NCKAP1: variants seen among roughly 807,000 people sequenced by gnomAD.
The protein encoded by NCKAP1 is nck-associated protein 1.
Under a neutral mutation model 151.2 loss-of-function variants are expected in NCKAP1, and 21 were observed. The ratio of observed to expected loss-of-function variants is 0.14; its 90% confidence interval spans 0.10 to 0.20. The LOEUF (loss-of-function observed/expected upper bound fraction) is 0.20. NCKAP1 is among the 10% of genes least tolerant of loss of function. The pLI, the probability that NCKAP1 is intolerant of heterozygous loss-of-function variation, is 1.00. For missense variants in NCKAP1, 933 were observed against 1,352.1 expected, an observed-to-expected ratio of 0.69 and a Z score of 4.86; for synonymous variants, 484 against 451.8, an observed-to-expected ratio of 1.07 and a Z score of -0.90.
At chr2:182,930,617 G>A in intron 27 of NCKAP1, 78 bp downstream of exon 27, 1 of 1,096,464 alleles carries the variant, frequency 9.1e-7, no homozygotes, top group African/African-American at 1.6e-5. Context: ...TTGAATATAT[G>A]GTTAAATATC....
Position 182,983,304 on chromosome 2 carries a change from A to G in NCKAP1, c.1083T>C (p.Pro361=). ...GAATTACCTTGGGACCTAGCAATCC[A>G]GGTTGATCAGAGAGGACAGTAGCCA... is the stretch of plus-strand genomic sequence containing the variant. ...KELATVLSDQ[P]GLLGPKALFV... Residue 361 remains proline, a synonymous_variant, in exon 11 of 31, where the codon CCT becomes CCC. Coordinates refer to ENST00000361354, the MANE Select transcript of NCKAP1 (RefSeq NM_013436.5). The G allele has an allele frequency of 6.2e-7, 1 of 1,609,412 alleles. No homozygotes were observed. Among genetic ancestry groups the G allele is most frequent in the Non-Finnish European group, 8.5e-7 (1 of 1,176,028 alleles).
intron 23 of NCKAP1, among the ~76,000 whole-genome samples, chr2:182,948,758 GAC>G (rs1311944490): frequency 1.3e-5 from 2 of 152,176 alleles, no homozygotes; most frequent in Non-Finnish European, 1.5e-5. Flanking sequence ...GAAAAAAAGA[GAC>G]AATTCATCTG....
rs1696479447 is a variant in NCKAP1, at chr2:182,917,050, C to A, written c.*8652G>T. 1 of 152,208 alleles carries A rather than the reference C, an allele frequency of 6.6e-6. No individual in the cohort carries two copies. Among genetic ancestry groups the A allele is most frequent in the South Asian group, 2.1e-4 (1 of 4,830 alleles). 9.4% of individuals were successfully genotyped at this position (152,208 alleles called of 1,614,324 possible). On this transcript the variant is annotated 3_prime_UTR_variant, in exon 31 of 31. Transcript: ENST00000361354. ...TAGCCTAATAATACTGGAGAAACTA[C>A]CACCATTTACACTGAATGCCTACTT...
intron 10 of NCKAP1, among the ~76,000 whole-genome samples, chr2:182,984,854 G>A (rs775044643): frequency 3.9e-5 from 6 of 152,250 alleles, no homozygotes; most frequent in Non-Finnish European, 5.9e-5. Flanking sequence ...ACATGGTAAT[G>A]AGTCCTAGAA....
chr2:182,965,456 T>C (rs1357856789), intron 16 of NCKAP1, among the ~76,000 whole-genome samples: 2 of 152,084 alleles, frequency 1.3e-5, no homozygotes, highest in Non-Finnish European at 2.9e-5. Context: ...CCCATGGTGC[T>C]GAAATTGCGG....
intron 2 of NCKAP1, among the ~76,000 whole-genome samples, chr2:183,008,317 G>A (rs1398771910): frequency 6.6e-6 from 1 of 152,146 alleles, no homozygotes; most frequent in Admixed American, 6.5e-5. Context: ...GAAGAATACA[G>A]GTGAATTCTC....
intron 15 of NCKAP1, among the ~76,000 whole-genome samples, chr2:182,975,869 C>T (rs896489785): frequency 3.9e-5 from 6 of 152,144 alleles, no homozygotes; most frequent in Non-Finnish European, 8.8e-5. Flanking sequence ...CATACCACTG[C>T]ACTCTAGCCT....
intron 24 of NCKAP1, among the ~76,000 whole-genome samples, chr2:182,936,735 C>T (rs571058534): frequency 2.6e-4 from 39 of 152,172 alleles, no homozygotes; most frequent in South Asian, 1.2e-3. Flanking sequence ...TGATATAAGG[C>T]GCAAATTTAT....
chr2:182,965,724 CA>C (rs1697556821), intron 16 of NCKAP1, among the ~76,000 whole-genome samples: 1 of 152,064 alleles, frequency 6.6e-6, no homozygotes, highest in African/African-American at 2.4e-5. Context: ...CTTTTAGTTC[CA>C]AGAAAGGGGA....
chr2:182,960,044 AAGG>A (rs1485016786), intron 18 of NCKAP1, among the ~76,000 whole-genome samples: 1 of 152,222 alleles, frequency 6.6e-6, no homozygotes, highest in African/African-American at 2.4e-5. Context: ...GGACCTCTTC[AAGG>A]AGAACTACAA....
intron 12 of NCKAP1, 82 bp downstream of exon 12, chr2:182,982,739 T>C (rs1697965525): frequency 3.6e-6 from 3 of 825,952 alleles, no homozygotes; most frequent in African/African-American, 1.7e-5. Context: ...CAACTTACAA[T>C]AGGTCTATCA....
Position 183,003,557 on chromosome 2 carries a change from G to A in NCKAP1, c.220-232C>T, listed in dbSNP as rs74370967. ...TCAAAGCATATTAGTACCAAATTGC[G>A]CTACTATTAAGGAAAATCTGAAAGT... On this transcript the variant is annotated intron_variant, in intron 2 of 30. Transcript: ENST00000361354. Among the ~76,000 whole-genome samples, 1,311 of 151,952 alleles carry A rather than the reference G, an allele frequency of 8.6e-3. 18 individuals are homozygous for A. Among genetic ancestry groups the A allele is most frequent in the African/African-American group, 0.03 (1,247 of 41,456 alleles).
In NCKAP1 at chr2:182,942,016, A is replaced by C. The variant is rs1177187278; in HGVS notation, c.2695+54T>G. On this transcript the variant is annotated intron_variant, in intron 24 of 30. Coordinates refer to ENST00000361354, the MANE Select transcript of NCKAP1 (RefSeq NM_013436.5). ...GTTACAAATTTTGAGCCAAAGCTAA[A>C]TACTGAGTATCAAGATCTTCTTATG... The C allele has an allele frequency of 1.6e-5, 23 of 1,425,342 alleles. No individual in the cohort carries two copies. The Admixed American group carries it at 4.4e-4, about 27-fold the overall frequency. 88.3% of individuals were successfully genotyped at this position (1,425,342 alleles called of 1,614,324 possible).
chr2:182,998,014 T>C (rs115017104), intron 6 of NCKAP1, among the ~76,000 whole-genome samples: 3,792 of 152,260 alleles, frequency 0.025, 76 homozygotes, highest in Non-Finnish European at 0.04. Context: ...GGATGCAAGG[T>C]TGGTTCCACA....
chr2:182,988,939 T>C, intron 9 of NCKAP1, 91 bp downstream of exon 9: 2 of 1,142,302 alleles, frequency 1.8e-6, no homozygotes, highest in Non-Finnish European at 2.5e-6. Context: ...TCCTGCACAG[T>C]GTGACTACTC....
At chr2:182,987,882 G>C (rs191367626) in intron 9 of NCKAP1, among the ~76,000 whole-genome samples, 2 of 151,382 alleles carry the variant, frequency 1.3e-5, no homozygotes, top group East Asian at 1.9e-4. Context: ...AGAAAGGAGT[G>C]GGGGGGGAGT....
intron 2 of NCKAP1, among the ~76,000 whole-genome samples, chr2:183,009,304 G>A (rs1698540746): frequency 6.6e-6 from 1 of 151,392 alleles, no homozygotes; most frequent in Non-Finnish European, 1.5e-5. Flanking sequence ...GAACCTGGGA[G>A]GTGGAGGCTG....
In NCKAP1 at chr2:182,914,991, G is replaced by A. The variant is rs1046146163; in HGVS notation, c.*10711C>T. On this transcript the variant is annotated 3_prime_UTR_variant, in exon 31 of 31. Transcript: ENST00000361354. ...TTTAAGCTGGGAATGCAGCCATACC[G>A]GGTGTCAGAGCATGTTGTGAGCACC... The A allele has an allele frequency of 3.3e-5, 5 of 152,130 alleles. No homozygotes were observed. The highest frequency in any genetic ancestry group is 2.1e-4 in the South Asian group (1 of 4,824). 9.4% of individuals were successfully genotyped at this position (152,130 alleles called of 1,614,324 possible).
At chr2:182,992,975 C>T in intron 8 of NCKAP1, among the ~76,000 whole-genome samples, 1 of 151,596 alleles carries the variant, frequency 6.6e-6, no homozygotes, top group East Asian at 1.9e-4. Context: ...AGGATCAATC[C>T]AAAAAATATT....
Sources: allele counts gnomAD v4.1 joint callset (sites outside exome capture counted in the v4.1 genomes callset), GRCh38; gene constraint gnomAD v4.1.1; transcripts MANE v1.5; gene names NCBI Gene and HGNC (gene_info 2026-07-23, HGNC 2026-07-21).